MARCHF1: variants seen among roughly 807,000 people sequenced by gnomAD.
MARCHF1 encodes E3 ubiquitin-protein ligase MARCHF1.
A neutral mutation model predicts 54.2 loss-of-function variants in MARCHF1; 40 were observed. That is an observed-to-expected ratio of 0.74 (90% CI 0.57 to 0.96). The LOEUF (loss-of-function observed/expected upper bound fraction) is 0.96. Ranked by LOEUF, MARCHF1 falls within the 40% of genes least tolerant of loss-of-function variation. MARCHF1 has a pLI of 0.00. For missense variants in MARCHF1, 586 were observed against 656.5 expected (o/e 0.89, Z 1.17); for synonymous variants, 236 against 236.3 (o/e 1.00, Z 0.01).
chr4:163,824,731 A>C (rs1748797951), intron 4 of MARCHF1, among the ~76,000 whole-genome samples: 5 of 86,402 alleles, frequency 5.8e-5, no homozygotes, highest in Non-Finnish European at 1.3e-4. Flanking sequence ...AAATTTTCAC[A>C]ACCTACTCAT....
At chr4:163,924,189 C>G (rs1389186010) in intron 3 of MARCHF1, among the ~76,000 whole-genome samples, 2 of 152,016 alleles carry the variant, frequency 1.3e-5, no homozygotes, top group African/African-American at 4.8e-5. Context: ...TTACTTAATG[C>G]TGCAAAAGCA....
At position 163,526,548 on chromosome 4, in the gene MARCHF1, T is replaced by C. The variant is rs1241734627; in HGVS notation, c.*2200A>G. The C allele has an allele frequency of 6.6e-6, 1 of 152,074 alleles. No homozygotes were observed. The highest frequency in any genetic ancestry group is 1.5e-5 in the Non-Finnish European group (1 of 67,948). 9.4% of individuals were successfully genotyped at this position (152,074 alleles called of 1,614,324 possible). On this transcript the variant is annotated 3_prime_UTR_variant, in exon 10 of 10. Coordinates refer to ENST00000514618, the MANE Select transcript of MARCHF1 (RefSeq NM_001394959.1). ...GGTTAATCCCTTGGATATGGTGCCA[T>C]GGTTAAATCACCCACAGATTTGTTA...
At chr4:164,077,338 T>C (rs1033066640) in intron 2 of MARCHF1, among the ~76,000 whole-genome samples, 1 of 152,192 alleles carries the variant, frequency 6.6e-6, no homozygotes, top group African/African-American at 2.4e-5. Context: ...TGCAGAAAAC[T>C]GAAACTGGAC....
intron 9 of MARCHF1, among the ~76,000 whole-genome samples, chr4:163,542,898 GGCTGA>G (rs1738765843): frequency 6.6e-6 from 1 of 152,204 alleles, no homozygotes; most frequent in Non-Finnish European, 1.5e-5. Context: ...AAACTGCAAA[GGCTGA>G]GTTGGGATGA....
At chr4:163,689,465 C>A (rs1296505815) in intron 5 of MARCHF1, among the ~76,000 whole-genome samples, 1 of 152,184 alleles carries the variant, frequency 6.6e-6, no homozygotes, top group Non-Finnish European at 1.5e-5. Flanking sequence ...GTGGAAATCA[C>A]TAAGCACTTG....
At chr4:164,302,871 A>T (rs1273654316) in intron 1 of MARCHF1, among the ~76,000 whole-genome samples, 1 of 84,508 alleles carries the variant, frequency 1.2e-5, no homozygotes, top group African/African-American at 6.1e-5. Flanking sequence ...ACTGTCTTAA[A>T]AAAAAAAAAA....
intron 3 of MARCHF1, among the ~76,000 whole-genome samples, chr4:163,939,836 G>T (rs976951846): frequency 6.6e-6 from 1 of 152,120 alleles, no homozygotes; most frequent in Admixed American, 6.5e-5. Context: ...CTAAGGAACT[G>T]CTTATGATAC....
At chr4:164,345,791 T>G (rs2110861673) in intron 1 of MARCHF1, among the ~76,000 whole-genome samples, 1 of 152,066 alleles carries the variant, frequency 6.6e-6, no homozygotes, top group South Asian at 2.1e-4. Flanking sequence ...GCTGGTTTTT[T>G]GTTTTCAAAG....
intron 5 of MARCHF1, among the ~76,000 whole-genome samples, chr4:163,626,129 G>A (rs192175800): frequency 6.6e-6 from 1 of 152,252 alleles, no homozygotes; most frequent in Admixed American, 6.5e-5. Context: ...ATTCAAATGG[G>A]AAAAACAAAC....
intron 1 of MARCHF1, chr4:164,197,041 A>T (rs1212928079): frequency 1.2e-6 from 2 of 1,605,222 alleles, no homozygotes; most frequent in Admixed American, 3.4e-5. Flanking sequence ...TTCTTCACCA[A>T]GCTCTTCTTC....
intron 3 of MARCHF1, among the ~76,000 whole-genome samples, chr4:163,869,056 C>A (rs548836068): frequency 6.6e-6 from 1 of 151,400 alleles, no homozygotes; most frequent in African/African-American, 2.4e-5. Context: ...ACGCATAAAC[C>A]CTCAAACAAT....
At chr4:163,884,137 A>G (rs1195274338) in intron 3 of MARCHF1, among the ~76,000 whole-genome samples, 3 of 152,140 alleles carry the variant, frequency 2.0e-5, no homozygotes, top group African/African-American at 4.8e-5. Context: ...TGCTCAAACC[A>G]TCAGTGGCGT....
intron 4 of MARCHF1, among the ~76,000 whole-genome samples, chr4:163,761,111 T>C (rs1024129760): frequency 6.6e-6 from 1 of 152,238 alleles, no homozygotes; most frequent in African/African-American, 2.4e-5. Flanking sequence ...GGACAGTTAT[T>C]TCAAAATGAG....
chr4:163,765,832 ATATAG>A (rs1746959364), intron 4 of MARCHF1, among the ~76,000 whole-genome samples: 3 of 148,172 alleles, frequency 2.0e-5, no homozygotes, highest in Non-Finnish European at 4.5e-5. Context: ...ATAGATATAG[ATATAG>A]ATATAGATAC....
At position 163,585,773 on chromosome 4, in the gene MARCHF1, C is replaced by T; in HGVS notation, c.1167G>A (p.Glu389=). Reference sequence around the variant, plus strand: ...CCTTCCGGAGGGGTTTGAGCTTGGTCTCCATTATGAAGTCATACTTGCAGA... The same window carrying T: ...CCTTCCGGAGGGGTTTGAGCTTGGTTTCCATTATGAAGTCATACTTGCAGA... ...CELCKYDFIM[E]TKLKPLRKWE... Residue 389 remains glutamate (E), a synonymous_variant, in exon 8 of 10, where the codon GAG becomes GAA. Transcript: ENST00000514618. 1 of 1,608,386 alleles carries T rather than the reference C, an allele frequency of 6.2e-7. No individual in the cohort carries two copies. Among genetic ancestry groups the T allele is most frequent in the South Asian group, 1.1e-5 (1 of 90,302 alleles).
At chr4:164,042,166 C>G (rs1754143385) in intron 2 of MARCHF1, among the ~76,000 whole-genome samples, 1 of 152,092 alleles carries the variant, frequency 6.6e-6, no homozygotes, top group Admixed American at 6.5e-5. Context: ...CATCCTGGGC[C>G]AGGATCCAAG....
At chr4:164,332,290 G>A (rs1225714537) in intron 1 of MARCHF1, among the ~76,000 whole-genome samples, 1 of 152,092 alleles carries the variant, frequency 6.6e-6, no homozygotes, top group Admixed American at 6.5e-5. Flanking sequence ...TTACCTGCCA[G>A]AGCCTGTTAT....
chr4:163,688,697 A>T (rs541357061), intron 5 of MARCHF1, among the ~76,000 whole-genome samples: 305 of 152,278 alleles, frequency 2.0e-3, no homozygotes, highest in African/African-American at 6.9e-3. Flanking sequence ...AAGAAAATCC[A>T]GACGGAGAAA....
At chr4:164,175,468 A>T (rs980464962) in intron 1 of MARCHF1, among the ~76,000 whole-genome samples, 6 of 152,190 alleles carry the variant, frequency 3.9e-5, no homozygotes, top group African/African-American at 1.4e-4. Context: ...CTATGATAAG[A>T]TTCCATTATG....
Sources: gnomAD v4.1 joint callset for allele counts (sites outside exome capture counted in the v4.1 genomes callset) on GRCh38, gnomAD v4.1.1 for gene constraint, MANE v1.5 for transcripts, NCBI Gene and HGNC (gene_info 2026-07-23, HGNC 2026-07-21) for gene names.